Variants in ARHGEF38 observed in about 807,000 individuals in gnomAD.
The protein encoded by ARHGEF38 is Rho guanine nucleotide exchange factor 38, also known as Rho guanine nucleotide exchange factor (GEF) 38.
ARHGEF38 carries 79 observed loss-of-function variants against 79.9 expected under a neutral mutation model. The ratio of observed to expected loss-of-function variants is 0.99; its 90% CI spans 0.82 to 1.19. The LOEUF (loss-of-function observed/expected upper bound fraction) is 1.19. Among genes scored for constraint, ARHGEF38 ranks in the 50% most tolerant of loss-of-function variants. The pLI is 0.00. For synonymous variants in ARHGEF38, 366 were observed against 328.3 expected (o/e 1.11, Z -1.24); for missense variants, 962 against 907.2 (o/e 1.06, Z -0.78).
At chr4:105,623,006 A>G (rs751389208) in intron 3 of ARHGEF38, among the ~76,000 whole-genome samples, 2 of 152,214 alleles carry the variant, frequency 1.3e-5, no homozygotes, top group Non-Finnish European at 2.9e-5. Context: ...AGAAGGAAGA[A>G]CAGATAAGTA....
intron 2 of ARHGEF38, among the ~76,000 whole-genome samples, chr4:105,610,234 T>C (rs541000838): frequency 6.6e-6 from 1 of 151,888 alleles, no homozygotes; most frequent in East Asian, 1.9e-4. Context: ...GGAGGGAACT[T>C]AGAGGATGGG....
intron 1 of ARHGEF38, chr4:105,563,455 C>T (rs779361206): frequency 8.5e-5 from 13 of 152,208 alleles, no homozygotes; most frequent in Non-Finnish European, 1.5e-4. Context: ...CACTTAGGTG[C>T]AGTACGTCAT....
At chr4:105,670,924 G>A (rs1239606012) in intron 13 of ARHGEF38, among the ~76,000 whole-genome samples, 1 of 152,090 alleles carries the variant, frequency 6.6e-6, no homozygotes, top group Admixed American at 6.6e-5. Context: ...TTTCTGCCTG[G>A]TGTTTGTAGT....
At chr4:105,556,134 T>C (rs1249428020) in intron 1 of ARHGEF38, among the ~76,000 whole-genome samples, 1 of 152,206 alleles carries the variant, frequency 6.6e-6, no homozygotes, top group Non-Finnish European at 1.5e-5. Context: ...TACCTTGTTC[T>C]TTGAAATTAA....
chr4:105,596,160 G>A (rs986195276), intron 2 of ARHGEF38, among the ~76,000 whole-genome samples: 1 of 152,176 alleles, frequency 6.6e-6, no homozygotes, highest in Non-Finnish European at 1.5e-5. Context: ...ATGTCAGGAT[G>A]GTGGGGAGTA....
In ARHGEF38 at chr4:105,552,699, C is replaced by T. The variant is rs1027618260; in HGVS notation, c.-67C>T. On this transcript the variant is annotated 5_prime_UTR_variant, in exon 1 of 14. Coordinates refer to ENST00000420470, the MANE Select transcript of ARHGEF38 (RefSeq NM_001242729.2). ...AACTCGTCACTCTAGTAGCTTTAAC[C>T]CTCACCCTGAGGCACCTTAGCAATC... The T allele has an allele frequency of 4.4e-6, 6 of 1,361,850 alleles. No homozygotes were observed. Among genetic ancestry groups the T allele is most frequent in the Non-Finnish European group, 6.1e-6 (6 of 989,418 alleles). The allele number at this position is 1,361,850 out of a possible 1,614,324, so 84.4% of individuals were successfully genotyped here.
chr4:105,589,552 A>G, intron 2 of ARHGEF38, 117 bp downstream of exon 2: 1 of 895,938 alleles, frequency 1.1e-6, no homozygotes, highest in South Asian at 1.9e-5. Context: ...TCCCCAAAAC[A>G]GCACTGTTCT....
intron 1 of ARHGEF38, 43 bp downstream of exon 1, chr4:105,553,004 G>A: frequency 6.8e-7 from 1 of 1,473,640 alleles, no homozygotes; most frequent in African/African-American, 1.4e-5. Flanking sequence ...TGCACTCCCA[G>A]CTCCATTTCT....
Position 105,645,202 on chromosome 4 carries a change from T to C in ARHGEF38, c.689T>C (p.Leu230Ser). Reference sequence around the variant, plus strand: ...CTGTATTGTAGAGGCAAACCAAACTTATTGGACATGGGCTCTTTGATGATC... The same window carrying C: ...CTGTATTGTAGAGGCAAACCAAACTCATTGGACATGGGCTCTTTGATGATC... ...KIYMQEGKPNLLDMGSLMIKP... is the reference protein window; with the variant it reads ...KIYMQEGKPNSLDMGSLMIKP... Residue 230 changes from leucine (L) to serine (S), a missense_variant, in exon 6 of 14, where the codon TTA becomes TCA. Transcript: ENST00000420470. 1 of 1,516,176 alleles carries C rather than the reference T, an allele frequency of 6.6e-7. No individual in the cohort carries two copies. The allele number at this position is 1,516,176 out of a possible 1,614,324, so 93.9% of individuals were successfully genotyped here.
At chr4:105,639,803 CATT>C (rs1427034745) in intron 5 of ARHGEF38, among the ~76,000 whole-genome samples, 3 of 151,876 alleles carry the variant, frequency 2.0e-5, no homozygotes, top group Non-Finnish European at 4.4e-5. Flanking sequence ...TATTGAGTAT[CATT>C]AGTCTCAGCT....
Position 105,590,829 on chromosome 4 carries a change from T to C in ARHGEF38, c.384+1394T>C, listed in dbSNP as rs115184933. Among the ~76,000 whole-genome samples, 1,290 of 152,354 alleles carry C rather than the reference T, an allele frequency of 8.5e-3. 22 individuals are homozygous for C. The highest frequency in any genetic ancestry group is 0.03 in the African/African-American group (1,241 of 41,590). The stretch of plus-strand genomic sequence containing the variant: ...TTAATGCTGAGACTTGTTGATTTCA[T>C]AAATGTTCTTTTGATTCCTTCTGAT... On this transcript the variant is annotated intron_variant, in intron 2 of 13. Coordinates refer to ENST00000420470, the MANE Select transcript of ARHGEF38 (RefSeq NM_001242729.2).
chr4:105,668,221 G>A (rs570533182), intron 13 of ARHGEF38, among the ~76,000 whole-genome samples: 12 of 150,794 alleles, frequency 8.0e-5, no homozygotes, highest in South Asian at 4.2e-4. Context: ...TCACTCTGTC[G>A]CCCAGGCTGG....
Position 105,670,317 on chromosome 4 carries a change from T to C in ARHGEF38, c.2148+2614T>C, listed in dbSNP as rs1040409275. ...CAACACTAGTTATTATTTGTCTTTT[T>C]AATTATAGCCATCTTGTGGGTATGA... On this transcript the variant is annotated intron_variant, in intron 13 of 13. Transcript: ENST00000420470. Among the ~76,000 whole-genome samples the C allele has an allele frequency of 3.9e-5, 6 of 152,326 alleles. No individual in the cohort carries two copies. The South Asian group carries it at 1.2e-3, about 32-fold the overall frequency.
At chr4:105,613,282 G>A (rs2110491926) in intron 2 of ARHGEF38, 102 bp from the exon 3 acceptor site, 2 of 1,355,688 alleles carry the variant, frequency 1.5e-6, no homozygotes, top group Non-Finnish European at 2.0e-6. Flanking sequence ...AATGGTTAAT[G>A]GAGACAGCAT....
At position 105,627,516 on chromosome 4, in the gene ARHGEF38, A is replaced by G. The variant is rs114367233; in HGVS notation, c.509-3382A>G. Among the ~76,000 whole-genome samples, 671 of 152,336 alleles carry G rather than the reference A, an allele frequency of 4.4e-3. 7 individuals carry two copies. The highest frequency in any genetic ancestry group is 0.015 in the African/African-American group (626 of 41,572). ...TTGGGAAGTTATTTTTAATGAAGAT[A>G]ACTAAGGGGACTTAAAAGGGTGCAT... On this transcript the variant is annotated intron_variant, in intron 3 of 13. Coordinates refer to ENST00000420470, the MANE Select transcript of ARHGEF38 (RefSeq NM_001242729.2).
At chr4:105,557,649 C>T (rs1283326066) in intron 1 of ARHGEF38, among the ~76,000 whole-genome samples, 1 of 150,724 alleles carries the variant, frequency 6.6e-6, no homozygotes, top group Non-Finnish European at 1.5e-5. Context: ...TGCTCTCAGC[C>T]ATGTCAGGAT....
Position 105,617,042 on chromosome 4 carries a change from GCAAA to G in ARHGEF38, c.508+3538_508+3541del, listed in dbSNP as rs58486269. ...TTGACACCGTTAGCAAAAGAGTACTGCAAACAGTTAAATGATGACAGTTTTATAT... is the reference window on the plus strand; with the variant it reads ...TTGACACCGTTAGCAAAAGAGTACTGCAGTTAAATGATGACAGTTTTATAT... On this transcript the variant is annotated intron_variant, in intron 3 of 13. Coordinates refer to ENST00000420470, the MANE Select transcript of ARHGEF38 (RefSeq NM_001242729.2). Among the ~76,000 whole-genome samples the G allele has an allele frequency of 5.9e-3, 900 of 152,286 alleles. 7 individuals carry two copies. Among genetic ancestry groups the G allele is most frequent in the African/African-American group, 0.021 (858 of 41,550 alleles).
intron 1 of ARHGEF38, among the ~76,000 whole-genome samples, chr4:105,576,375 G>C (rs1406871439): frequency 6.8e-6 from 1 of 147,868 alleles, no homozygotes; most frequent in Non-Finnish European, 1.5e-5. Context: ...CCTTGGTTAA[G>C]TATATTCTTA....
At chr4:105,596,508 T>C (rs1007696409) in intron 2 of ARHGEF38, among the ~76,000 whole-genome samples, 4 of 152,168 alleles carry the variant, frequency 2.6e-5, no homozygotes, top group Non-Finnish European at 5.9e-5. Flanking sequence ...AGGAGGGGAA[T>C]ATAGATGTAC....
Sources: gnomAD v4.1 joint callset for allele counts (sites outside exome capture counted in the v4.1 genomes callset) on GRCh38, gnomAD v4.1.1 for gene constraint, MANE v1.5 for transcripts, NCBI Gene and HGNC (gene_info 2026-07-23, HGNC 2026-07-21) for gene names.